SMARCE1: variants seen among roughly 807,000 people sequenced by gnomAD.
SMARCE1 encodes the protein SWI/SNF related BAF chromatin remodeling complex subunit E1, also known as SWI/SNF-related matrix-associated actin-dependent regulator of chromatin subfamily E member 1.
In SMARCE1, 13 loss-of-function variants were observed where a neutral mutation model predicts 54.9. That is an observed-to-expected ratio of 0.24 (90% CI 0.15 to 0.38). The LOEUF (loss-of-function observed/expected upper bound fraction) is 0.38. SMARCE1 is among the 10% of genes least tolerant of loss of function. The pLI is 1.00. For missense variants in SMARCE1, 295 were observed against 523.8 expected, an observed-to-expected ratio of 0.56 and a Z score of 4.26; for synonymous variants, 151 against 175.3, an observed-to-expected ratio of 0.86 and a Z score of 1.10.
rs2037027757 is a variant in SMARCE1, at chr17:40,625,614, TA to T, written c.*3170del. 1 of 152,180 alleles carries T rather than the reference TA, an allele frequency of 6.6e-6. No homozygotes were observed. The highest frequency in any genetic ancestry group is 2.4e-5 in the African/African-American group (1 of 41,440). 9.4% of individuals were successfully genotyped at this position (152,180 alleles called of 1,614,324 possible). The stretch of plus-strand genomic sequence containing the variant: ...AAAGCTTCAATTTAACTGCAGGCAA[TA>T]GGAGTTTCACACTGTCAGCACCAAC... On this transcript the variant is annotated 3_prime_UTR_variant, in exon 11 of 11. Transcript: ENST00000348513.
At chr17:40,641,712 T>C (rs2037201733) in intron 4 of SMARCE1, 1 of 152,218 alleles carries the variant, frequency 6.6e-6, no homozygotes, top group Admixed American at 6.5e-5. Context: ...CTTTTTTGAA[T>C]GAAATTTAAG....
Position 40,625,332 on chromosome 17 carries a change from C to T in SMARCE1, c.*3453G>A, listed in dbSNP as rs1363052549. The T allele has an allele frequency of 2.6e-5, 4 of 152,122 alleles. No individual in the cohort carries two copies. Among genetic ancestry groups the T allele is most frequent in the Admixed American group, 6.5e-5 (1 of 15,280 alleles). 9.4% of individuals were successfully genotyped at this position (152,122 alleles called of 1,614,324 possible). A position where few individuals can be genotyped will look rare whatever the true frequency, so the allele number is the denominator to read the frequency against. ...AGCACGATTTCTTCTAAAAAGGCTCCGAGTTCCTTTGAGCTTGTTATTGTA... is the reference window on the plus strand; with the variant it reads ...AGCACGATTTCTTCTAAAAAGGCTCTGAGTTCCTTTGAGCTTGTTATTGTA... On this transcript the variant is annotated 3_prime_UTR_variant, in exon 11 of 11. Coordinates refer to ENST00000348513, the MANE Select transcript of SMARCE1 (RefSeq NM_003079.5).
At chr17:40,637,029 CAAAAAAAAAAA>C (rs398041688) in intron 5 of SMARCE1, 1 of 101,240 alleles carries the variant, frequency 9.9e-6, no homozygotes, top group Non-Finnish European at 1.9e-5. Context: ...GGCTCATCAC[CAAAAAAAAAAA>C]AAAAAAAAGG....
chr17:40,630,415 G>A, intron 10 of SMARCE1: 2 of 644,222 alleles, frequency 3.1e-6, no homozygotes, highest in Non-Finnish European at 5.6e-6. Flanking sequence ...GTGTGGCTGT[G>A]TTCCAGTTTT....
rs191200927 is a variant in SMARCE1, at chr17:40,647,029, A to T, written c.-46+744T>A. Among the ~76,000 whole-genome samples the T allele has an allele frequency of 2.0e-3, 303 of 152,318 alleles. 2 individuals carry two copies. The highest frequency in any genetic ancestry group is 0.014 in the Middle Eastern group (4 of 294). On this transcript the variant is annotated intron_variant, in intron 1 of 10. Coordinates refer to ENST00000348513, the MANE Select transcript of SMARCE1 (RefSeq NM_003079.5). Reference sequence around the variant, plus strand: ...GCTGCAGGGGACCCTGACAACTAACATAAGCTCCCTGTACGTTATACTTCA... The same window carrying T: ...GCTGCAGGGGACCCTGACAACTAACTTAAGCTCCCTGTACGTTATACTTCA...
Position 40,630,737 on chromosome 17 carries a change from T to C in SMARCE1, c.1004A>G (p.Asp335Gly), listed in dbSNP as rs2037085183. Residue 335 changes from aspartate (D) to glycine (G), a missense_variant, in exon 10 of 11, where the codon GAC becomes GGC. Physicochemically the swap from Asp to Gly is moderately conservative, Grantham distance 94. Around this residue, in one of 5 missense-constraint regions of SMARCE1, gnomAD observed 147 missense variants for 161.4 expected, o/e 0.91. Transcript: ENST00000348513. ...AANKGEEKKDDENIPMETEET... is the reference protein window; with the variant it reads ...AANKGEEKKDGENIPMETEET... ...ACCTGTCTCCATCGGAATGTTCTCG[T>C]CGTCTTTCTTCTCCTCGCCTTTGTT... The C allele has an allele frequency of 6.2e-7, 1 of 1,614,052 alleles. No homozygotes were observed. The highest frequency in any genetic ancestry group is 1.3e-5 in the African/African-American group (1 of 74,908).
chr17:40,633,534 C>T (rs1220946430), intron 7 of SMARCE1: 1 of 152,200 alleles, frequency 6.6e-6, no homozygotes, highest in Non-Finnish European at 1.5e-5. Context: ...ACCCACCAGA[C>T]AGGGAGGAAC....
At chr17:40,630,592 A>G (rs1384415953) in intron 10 of SMARCE1, 122 bp downstream of exon 10, 1 of 751,558 alleles carries the variant, frequency 1.3e-6, no homozygotes, top group South Asian at 1.6e-5. Flanking sequence ...TGTCAAATTT[A>G]GTACTGGGAA....
chr17:40,631,327 G>A, intron 9 of SMARCE1: 1 of 367,728 alleles, frequency 2.7e-6, no homozygotes, highest in South Asian at 5.5e-5. Context: ...ATTAATGACT[G>A]TATGGGAGTT....
At chr17:40,638,644 G>A (rs1299948860) in intron 4 of SMARCE1, among the ~76,000 whole-genome samples, 1 of 151,914 alleles carries the variant, frequency 6.6e-6, no homozygotes, top group Admixed American at 6.6e-5. Context: ...TTTGATTAAA[G>A]ACCCAGAATA....
At chr17:40,646,474 A>G (rs2037258017) in intron 1 of SMARCE1, among the ~76,000 whole-genome samples, 1 of 152,226 alleles carries the variant, frequency 6.6e-6, no homozygotes, top group Admixed American at 6.5e-5. Flanking sequence ...TTGATACATT[A>G]CCTGGGCAGA....
rs1237611052 is a variant in SMARCE1, at chr17:40,626,424, C to G, written c.*2361G>C. The stretch of plus-strand genomic sequence containing the variant: ...CAGGCTCGAGTTCAAGCTACTTGCC[C>G]AGCACCTTTTGGGACATGGGAAAAA... On this transcript the variant is annotated 3_prime_UTR_variant, in exon 11 of 11. Coordinates refer to ENST00000348513, the MANE Select transcript of SMARCE1 (RefSeq NM_003079.5). 6.6e-6 allele frequency: 1 copy of G among 152,160 alleles called. No individual in the cohort carries two copies. Among genetic ancestry groups the G allele is most frequent in the Non-Finnish European group, 1.5e-5 (1 of 68,026 alleles). 9.4% of individuals were successfully genotyped at this position (152,160 alleles called of 1,614,324 possible).
intron 7 of SMARCE1, chr17:40,633,075 T>C (rs1364983708): frequency 6.6e-6 from 1 of 152,210 alleles, no homozygotes; most frequent in Admixed American, 6.5e-5. Context: ...AGTGGCCCAG[T>C]CTCAGCTCAC....
Position 40,632,244 on chromosome 17 carries a change from G to A in SMARCE1, c.665C>T (p.Ala222Val), listed in dbSNP as rs950368790. 1.2e-6 allele frequency: 2 copies of A among 1,613,694 alleles called. No individual in the cohort carries two copies. Among genetic ancestry groups the A allele is most frequent in the African/African-American group, 2.7e-5 (2 of 74,902 alleles). The change falls in exon 8 of 11, where the codon GCT becomes GTT. Residue 222 changes from alanine to valine, a missense_variant. Transcript: ENST00000348513. ...VPDVRSVVTT[A>V]RMQVLKRQVQ... Reference sequence around the variant, plus strand: ...CTGCCGTTTGAGGACCTGCATTCTAGCTGTTGTGACAACTGACCGAACGTC... The same window carrying A: ...CTGCCGTTTGAGGACCTGCATTCTAACTGTTGTGACAACTGACCGAACGTC...
Position 40,642,399 on chromosome 17 carries a change from G to A in SMARCE1, c.156+56C>T, listed in dbSNP as rs1451527406. On this transcript the variant is annotated intron_variant, in intron 4 of 10. Transcript: ENST00000348513. The surrounding 1 kb of genome is among the most constrained non-coding windows in gnomAD (Gnocchi z 4.6). ...GATTCAAAAAGACCTAATTCTGAAG[G>A]CATTTCTGGTCAATTCCAGTTGTTT... The A allele has an allele frequency of 9.3e-7, 1 of 1,076,368 alleles. No homozygotes were observed. Among genetic ancestry groups the A allele is most frequent in the Non-Finnish European group, 1.5e-6 (1 of 688,944 alleles). 66.7% of individuals were successfully genotyped at this position (1,076,368 alleles called of 1,614,324 possible).
chr17:40,646,884 C>T (rs2037262802), intron 1 of SMARCE1, among the ~76,000 whole-genome samples: 1 of 152,132 alleles, frequency 6.6e-6, no homozygotes, highest in Non-Finnish European at 1.5e-5. Flanking sequence ...AGAAACAGCT[C>T]ATTTTCTCAA....
intron 7 of SMARCE1, chr17:40,634,790 C>G (rs1335851125): frequency 2.0e-5 from 3 of 152,158 alleles, no homozygotes; most frequent in African/African-American, 4.8e-5. Flanking sequence ...TGACCTCCAT[C>G]CTCCCAATAT....
rs372151208 is a variant in SMARCE1, at chr17:40,628,238, G to A, written c.*547C>T. On this transcript the variant is annotated 3_prime_UTR_variant, in exon 11 of 11. Coordinates refer to ENST00000348513, the MANE Select transcript of SMARCE1 (RefSeq NM_003079.5). Reference sequence around the variant, plus strand: ...CTATTTCTGGATCAGTAAGATCCAAGTGTAGTTAGTTACACACTACACTCA... The same window carrying A: ...CTATTTCTGGATCAGTAAGATCCAAATGTAGTTAGTTACACACTACACTCA... 8 of 154,042 alleles carry A rather than the reference G, an allele frequency of 5.2e-5. No homozygotes were observed. The highest frequency in any genetic ancestry group is 1.9e-4 in the African/African-American group (8 of 41,584). The allele number at this position is 154,042 out of a possible 1,614,324, so 9.5% of individuals were successfully genotyped here.
rs181027981 is a variant in SMARCE1, at chr17:40,646,326, A to G, written c.-45-479T>C. Among the ~76,000 whole-genome samples the G allele has an allele frequency of 5.3e-4, 81 of 152,354 alleles. 1 individual carries two copies. Among genetic ancestry groups the G allele is most frequent in the Admixed American group, 4.8e-3 (73 of 15,306 alleles). ...GGAAGCAGTGCAAAAGGTAATTGGT[A>G]TGACAATGAACTTCACATTCTCTTA... On this transcript the variant is annotated intron_variant, in intron 1 of 10. Coordinates refer to ENST00000348513, the MANE Select transcript of SMARCE1 (RefSeq NM_003079.5).
Sources: allele counts gnomAD v4.1 joint callset (sites outside exome capture counted in the v4.1 genomes callset), GRCh38; gene constraint gnomAD v4.1.1; regional missense constraint gnomAD v4.1.1; non-coding constraint Gnocchi (gnomAD v3.1); transcripts MANE v1.5; gene names NCBI Gene and HGNC (gene_info 2026-07-23, HGNC 2026-07-21).